PCBP2: variants seen among roughly 807,000 people sequenced by gnomAD.
PCBP2 encodes poly(rC) binding protein 2, also known as poly(rC)-binding protein 2.
A neutral mutation model predicts 50.1 loss-of-function variants in PCBP2; 4 were observed. The ratio of observed to expected loss-of-function variants is 0.08; its 90% CI spans 0.04 to 0.18. The LOEUF is 0.18. PCBP2 is among the 10% of genes least tolerant of loss of function. The pLI is 1.00. For synonymous variants in PCBP2, 179 were observed against 168.0 expected, an observed-to-expected ratio of 1.07 and a Z score of -0.51; for missense variants, 161 against 474.3, an observed-to-expected ratio of 0.34 and a Z score of 6.14.
At chr12:53,457,568 ACTCTTGGG>A (rs970165079) in intron 5 of PCBP2, among the ~76,000 whole-genome samples, 1 of 149,346 alleles carries the variant, frequency 6.7e-6, no homozygotes, top group Non-Finnish European at 1.5e-5. Flanking sequence ...CTCGTCTTGA[ACTCTTGGG>A]CTCAAGCAAT....
At chr12:53,461,245 G>C in intron 7 of PCBP2, 102 bp downstream of exon 7, 2 of 1,320,742 alleles carry the variant, frequency 1.5e-6, no homozygotes, top group Non-Finnish European at 2.1e-6. Flanking sequence ...GGCTGTTAAG[G>C]CTTCCAGTGG....
At chr12:53,460,083 G>C (rs1468009304) in intron 6 of PCBP2, 1 of 231,472 alleles carries the variant, frequency 4.3e-6, no homozygotes, top group Admixed American at 5.1e-5. Context: ...TTCTTGACCA[G>C]ACTTATAAAC....
At chr12:53,460,925 C>A in intron 6 of PCBP2, 90 bp from the exon 7 acceptor site, 1 of 1,376,800 alleles carries the variant, frequency 7.3e-7, no homozygotes, top group South Asian at 1.2e-5. Flanking sequence ...TAAATATCTA[C>A]TAGAGTTTTA....
intron 14 of PCBP2, among the ~76,000 whole-genome samples, chr12:53,477,751 A>C (rs1314615804): frequency 6.6e-6 from 1 of 150,538 alleles, no homozygotes; most frequent in Non-Finnish European, 1.5e-5. Context: ...AAAAGTAAAT[A>C]GTTTGTAGTC....
chr12:53,469,986 T>TCC (rs545930789), intron 13 of PCBP2, among the ~76,000 whole-genome samples: 75 of 151,126 alleles, frequency 5.0e-4, no homozygotes, highest in Admixed American at 1.5e-3. Context: ...CCTTACGTGA[T>TCC]CCCCCCCCTT....
At chr12:53,458,775 A>G (rs552832905) in intron 5 of PCBP2, among the ~76,000 whole-genome samples, 73 of 150,722 alleles carry the variant, frequency 4.8e-4, no homozygotes, top group African/African-American at 1.7e-3. Flanking sequence ...AGTAGCTGGG[A>G]TTACAGGTGC....
intron 14 of PCBP2, among the ~76,000 whole-genome samples, chr12:53,473,650 A>G (rs1039305059): frequency 6.6e-6 from 1 of 152,174 alleles, no homozygotes. Context: ...TATCTTAGCC[A>G]TGGATTAGGG....
At chr12:53,479,344 G>A (rs1376331136) in intron 14 of PCBP2, 62 bp from the exon 15 acceptor site, 1 of 1,400,384 alleles carries the variant, frequency 7.1e-7, no homozygotes, top group Non-Finnish European at 1.0e-6. Context: ...CATGAACCAG[G>A]TAGAGATGAG....
At chr12:53,452,516 G>C (rs1360632900) in intron 1 of PCBP2, 140 bp downstream of exon 1, 2 of 151,468 alleles carry the variant, frequency 1.3e-5, no homozygotes, top group Admixed American at 1.3e-4. Context: ...CACTGTGCCA[G>C]GCCGGTCATT....
chr12:53,464,319 T>TCCCTCCCTCCCC (rs1250747680), intron 8 of PCBP2: 1 of 24,344 alleles, frequency 4.1e-5, no homozygotes, highest in Non-Finnish European at 8.0e-5. Context: ...CCACCCTCCC[T>TCCCTCCCTCCCC]CCCTCCCTCC....
At chr12:53,453,312 C>T (rs1940728241) in intron 1 of PCBP2, 1 of 151,742 alleles carries the variant, frequency 6.6e-6, no homozygotes, top group East Asian at 1.9e-4. Context: ...AGGTCTTTAC[C>T]ACATCTTATT....
At chr12:53,467,176 C>T (rs1177531641) in intron 10 of PCBP2, 45 bp from the exon 11 acceptor site, 1 of 1,476,948 alleles carries the variant, frequency 6.8e-7, no homozygotes, top group Admixed American at 1.7e-5. Flanking sequence ...TGAGCCCTGG[C>T]TCTGTTAAAT....
rs948010539 is a variant in PCBP2, at chr12:53,461,284, A to G, written c.504+141A>G. 1.2e-5 allele frequency: 10 copies of G among 869,046 alleles called. No homozygotes were observed. The Admixed American group carries it at 2.4e-4, about 21-fold the overall frequency. The allele number at this position is 869,046 out of a possible 1,614,324, so 53.8% of individuals were successfully genotyped here. ...TGGGGCTAAAAGGTTCCCTGAGTTC[A>G]TATTTTCCTTCCCCTAGCTTTGACT... On this transcript the variant is annotated intron_variant, in intron 7 of 14. Transcript: ENST00000546463.
intron 8 of PCBP2, among the ~76,000 whole-genome samples, chr12:53,463,146 G>T (rs1941569540): frequency 6.6e-6 from 1 of 152,168 alleles, no homozygotes; most frequent in Non-Finnish European, 1.5e-5. Flanking sequence ...AAGAATAGAA[G>T]GGGGGTGAGC....
intron 13 of PCBP2, among the ~76,000 whole-genome samples, chr12:53,470,196 G>GGT (rs2137091832): frequency 6.6e-6 from 1 of 151,746 alleles, no homozygotes; most frequent in East Asian, 2.0e-4. Context: ...TGACCATAGT[G>GGT]GTGAAACCCT....
At chr12:53,462,375 G>T in intron 7 of PCBP2, 118 bp from the exon 8 acceptor site, 1 of 705,860 alleles carries the variant, frequency 1.4e-6, no homozygotes, top group Non-Finnish European at 2.3e-6. Context: ...CAATTTGGTA[G>T]GTAAGGGGAT....
At position 53,480,515 on chromosome 12, in the gene PCBP2, T is replaced by A. The variant is rs1352275221; in HGVS notation, c.*1073T>A. 3 of 152,504 alleles carry A rather than the reference T, an allele frequency of 2.0e-5. No homozygotes were observed. Among genetic ancestry groups the A allele is most frequent in the African/African-American group, 4.8e-5 (2 of 41,360 alleles). The allele number at this position is 152,504 out of a possible 1,614,324, so 9.4% of individuals were successfully genotyped here. ...GCTGGGCCTGCATGGAGTGTTATAT[T>A]TCAAGGTTTTTCACAGGGGTTACAG... is the stretch of plus-strand genomic sequence containing the variant. On this transcript the variant is annotated 3_prime_UTR_variant, in exon 15 of 15. Coordinates refer to ENST00000546463, the MANE Select transcript of PCBP2 (RefSeq NM_031989.5).
intron 14 of PCBP2, among the ~76,000 whole-genome samples, chr12:53,473,674 A>G (rs1942385191): frequency 6.6e-6 from 1 of 152,192 alleles, no homozygotes; most frequent in South Asian, 2.1e-4. Flanking sequence ...AAACTTTTCA[A>G]AGCTTCATCT....
intron 9 of PCBP2, among the ~76,000 whole-genome samples, chr12:53,465,532 C>G (rs1278966197): frequency 6.6e-6 from 1 of 152,092 alleles, no homozygotes; most frequent in African/African-American, 2.4e-5. Context: ...TTCCACATCA[C>G]CACAATTGGT....
Sources: gnomAD v4.1 joint callset for allele counts (sites outside exome capture counted in the v4.1 genomes callset) on GRCh38, gnomAD v4.1.1 for gene constraint, MANE v1.5 for transcripts, NCBI Gene and HGNC (gene_info 2026-07-23, HGNC 2026-07-21) for gene names.